DNAH5: variants seen among roughly 807,000 people sequenced by gnomAD.
The protein encoded by DNAH5 is dynein axonemal heavy chain 5.
In DNAH5, 372 loss-of-function variants were observed where a neutral mutation model predicts 518.2. That is an observed-to-expected ratio of 0.72 (90% CI 0.66 to 0.78). The LOEUF is 0.78. Ranked by LOEUF, DNAH5 falls within the 30% of genes least tolerant of loss-of-function variation. DNAH5 has a pLI of 0.00. For synonymous variants in DNAH5, 2,039 were observed against 2,025.9 expected (o/e 1.01, Z -0.17); for missense variants, 5,523 against 5,687.0 (o/e 0.97, Z 0.93).
intron 12 of DNAH5, among the ~76,000 whole-genome samples, chr5:13,909,930 A>G (rs1266688072): frequency 1.3e-5 from 2 of 152,174 alleles, no homozygotes; most frequent in Non-Finnish European, 2.9e-5. Flanking sequence ...AACATATGGG[A>G]ATAAAACATG....
rs1317106640 is a variant in DNAH5 at position 13,901,302 on chromosome 5, T to C, written c.2002A>G (p.Lys668Glu). Residue 668 changes from lysine to glutamate, a missense_variant, in exon 14 of 79, where the codon AAG becomes GAG. Physicochemically the swap from Lys to Glu is moderately conservative, Grantham distance 56. This residue lies in a region of DNAH5 where 5,121 missense variants were observed against 5,223.3 expected (regional missense o/e 0.98). Coordinates refer to ENST00000265104, the MANE Select transcript of DNAH5 (RefSeq NM_001369.3). Reference sequence around the variant, plus strand: ...AGGACCTCAAACTCCAGGAGGACCTTGGCCATCCTGTTGTAACTGCGAATT... The same window carrying C: ...AGGACCTCAAACTCCAGGAGGACCTCGGCCATCCTGTTGTAACTGCGAATT... ...PIIRSYNRMA[K>E]VLLEFEVLFH... The C allele has an allele frequency of 6.2e-7, 1 of 1,614,160 alleles. No homozygotes were observed. Among genetic ancestry groups the C allele is most frequent in the Non-Finnish European group, 8.5e-7 (1 of 1,180,002 alleles).
intron 69 of DNAH5, among the ~76,000 whole-genome samples, chr5:13,728,559 C>T (rs576769615): frequency 6.6e-6 from 1 of 152,114 alleles, no homozygotes; most frequent in African/African-American, 2.4e-5. Context: ...CTAGGCAAGG[C>T]CACTGGGGGT....
chr5:13,999,399 C>T (rs969205928), intron 1 of DNAH5, among the ~76,000 whole-genome samples: 1 of 152,224 alleles, frequency 6.6e-6, no homozygotes, highest in Admixed American at 6.5e-5. Flanking sequence ...CCATTCCACT[C>T]TTTGCATCTA....
At chr5:13,969,977 G>GTGTT (rs1205752527) in intron 1 of DNAH5, among the ~76,000 whole-genome samples, 1 of 152,156 alleles carries the variant, frequency 6.6e-6, no homozygotes, top group Non-Finnish European at 1.5e-5. Context: ...GGGAGCTCCA[G>GTGTT]TGTTAGATGC....
chr5:13,830,304 G>C lies in DNAH5; in HGVS notation c.6062-91C>G. 3.3e-6 allele frequency: 4 copies of C among 1,206,636 alleles called. No homozygotes were observed. In the South Asian group the frequency reaches 5.2e-5, roughly 16 times the overall value. The allele number at this position is 1,206,636 out of a possible 1,614,324, so 74.7% of individuals were successfully genotyped here. On this transcript the variant is annotated intron_variant, in intron 36 of 78. Transcript: ENST00000265104. ...ATTATGTAGCTGCTAAAATGAGCCAGATGTAAGTTCATTCAAAAGTAAAGT... is the reference window on the plus strand; with the variant it reads ...ATTATGTAGCTGCTAAAATGAGCCACATGTAAGTTCATTCAAAAGTAAAGT...
At chr5:13,868,082 C>A in intron 24 of DNAH5, 90 bp from the exon 25 acceptor site, 1 of 1,022,150 alleles carries the variant, frequency 9.8e-7, no homozygotes, top group South Asian at 1.4e-5. Flanking sequence ...ATGGAAAATA[C>A]CAGAATAATA....
chr5:13,884,855 A>G, intron 19 of DNAH5, 134 bp downstream of exon 19: 2 of 1,375,156 alleles, frequency 1.5e-6, no homozygotes. Flanking sequence ...AAATTTAAAA[A>G]AAGATGAATA....
rs954342571 is a variant in DNAH5, at chr5:13,707,974, A to G, written c.13338+149T>C. ...TAAAAAAAAACTTCCTTCCCTACCTATGGTCTAAAAATACAGGGCTACAGG... is the reference window on the plus strand; with the variant it reads ...TAAAAAAAAACTTCCTTCCCTACCTGTGGTCTAAAAATACAGGGCTACAGG... On this transcript the variant is annotated intron_variant, in intron 76 of 78. Coordinates refer to ENST00000265104, the MANE Select transcript of DNAH5 (RefSeq NM_001369.3). The surrounding 1 kb of genome is among the most constrained non-coding windows in gnomAD (Gnocchi z 4.0). 2 of 920,952 alleles carry G rather than the reference A, an allele frequency of 2.2e-6. No individual in the cohort carries two copies. Among genetic ancestry groups the G allele is most frequent in the African/African-American group, 1.6e-5 (1 of 61,246 alleles). The allele number at this position is 920,952 out of a possible 1,614,324, so 57.0% of individuals were successfully genotyped here. A position where few individuals can be genotyped will look rare whatever the true frequency, so the allele number is the denominator to read the frequency against.
At chr5:13,973,521 G>C (rs1782020046) in intron 1 of DNAH5, among the ~76,000 whole-genome samples, 1 of 152,240 alleles carries the variant, frequency 6.6e-6, no homozygotes, top group African/African-American at 2.4e-5. Context: ...CTCTTCTGCT[G>C]TGGCTTCAAG....
intron 31 of DNAH5, among the ~76,000 whole-genome samples, chr5:13,848,909 G>A (rs1264031880): frequency 6.6e-6 from 1 of 152,178 alleles, no homozygotes; most frequent in Non-Finnish European, 1.5e-5. Context: ...GCCGAGGTTT[G>A]GGGACCCCTG....
chr5:13,851,918 C>T (rs550489167), intron 30 of DNAH5, among the ~76,000 whole-genome samples: 8 of 151,938 alleles, frequency 5.3e-5, no homozygotes, highest in South Asian at 2.1e-4. Flanking sequence ...GTGCAGCCCA[C>T]GGAGGGCAAG....
At chr5:13,815,147 T>C (rs1396756604) in intron 42 of DNAH5, among the ~76,000 whole-genome samples, 1 of 152,196 alleles carries the variant, frequency 6.6e-6, no homozygotes, top group East Asian at 1.9e-4. Context: ...TGAGACAATG[T>C]CCTGCTTTTG....
At chr5:13,726,022 A>T (rs550947614) in intron 70 of DNAH5, among the ~76,000 whole-genome samples, 1 of 152,216 alleles carries the variant, frequency 6.6e-6, no homozygotes, top group Non-Finnish European at 1.5e-5. Flanking sequence ...CATTTTTGCA[A>T]TCAGGCATGC....
chr5:13,904,091 A>G (rs1037945544), intron 12 of DNAH5, among the ~76,000 whole-genome samples: 2 of 151,946 alleles, frequency 1.3e-5, no homozygotes, highest in Non-Finnish European at 2.9e-5. Flanking sequence ...TCAGGTATAT[A>G]TGCTAAAACC....
chr5:13,887,473 C>T (rs1213015358), intron 17 of DNAH5, among the ~76,000 whole-genome samples: 3 of 152,118 alleles, frequency 2.0e-5, no homozygotes, highest in Non-Finnish European at 4.4e-5. Context: ...ATGCTGCCTC[C>T]ACTTATCCTG....
In DNAH5 at chr5:13,776,525, C is replaced by A; in HGVS notation, c.9287G>T (p.Arg3096Leu). The A allele has an allele frequency of 6.2e-7, 1 of 1,613,860 alleles. No homozygotes were observed. Among genetic ancestry groups the A allele is most frequent in the South Asian group, 1.1e-5 (1 of 91,072 alleles). ...GGCAGGGAACTTCAAAGCTCTGTTTCGAAATTTCTCCCCCACTGGCGAGAA... is the reference window on the plus strand; with the variant it reads ...GGCAGGGAACTTCAAAGCTCTGTTTAGAAATTTCTCCCCCACTGGCGAGAA... Reference protein sequence around the residue: ...LCFSPVGEKFRNRALKFPALI... With the variant: ...LCFSPVGEKFLNRALKFPALI... Residue 3096 changes from arginine to leucine, a missense_variant, in exon 55 of 79, where the codon CGA becomes CTA. Coordinates refer to ENST00000265104, the MANE Select transcript of DNAH5 (RefSeq NM_001369.3).
intron 21 of DNAH5, among the ~76,000 whole-genome samples, chr5:13,879,431 G>C (rs1771330597): frequency 1.3e-5 from 2 of 152,020 alleles, no homozygotes; most frequent in African/African-American, 4.8e-5. Context: ...ACTATTCTAA[G>C]TACAGATGCT....
rs192226501 is a variant in DNAH5 at position 13,985,072 on chromosome 5, A to T, written c.12+26576T>A. Reference sequence around the variant, plus strand: ...GACTGGATTAAGAAAATGTGGCACAAATACACCATGGAATACTATGCAGCC... The same window carrying T: ...GACTGGATTAAGAAAATGTGGCACATATACACCATGGAATACTATGCAGCC... On this transcript the variant is annotated intron_variant, in intron 1 of 78. Transcript: ENST00000681290. 4.0e-3 allele frequency among the ~76,000 whole-genome samples: 608 copies of T among 152,260 alleles called. 5 individuals carry two copies. The highest frequency in any genetic ancestry group is 0.014 in the African/African-American group (578 of 41,540).
intron 1 of DNAH5, among the ~76,000 whole-genome samples, chr5:13,961,934 CTGTT>C (rs3058992): frequency 0.75 from 114,471 of 151,700 alleles, 45,255 homozygotes; most frequent in East Asian, 0.94. Flanking sequence ...TTAATTGTGT[CTGTT>C]TGTGCTTTGC....
Sources: allele counts gnomAD v4.1 joint callset (sites outside exome capture counted in the v4.1 genomes callset), GRCh38; gene constraint gnomAD v4.1.1; regional missense constraint gnomAD v4.1.1; non-coding constraint Gnocchi (gnomAD v3.1); transcripts MANE v1.5; gene names NCBI Gene and HGNC (gene_info 2026-07-23, HGNC 2026-07-21).